The following CEMIP variants were observed in gnomAD, a reference collection of about 807,000 sequenced individuals.
CEMIP encodes cell migration inducing hyaluronidase 1.
Under a neutral mutation model 156.9 loss-of-function variants are expected in CEMIP, and 105 were observed. The ratio of observed to expected loss-of-function variants is 0.67; its 90% CI spans 0.57 to 0.79. The LOEUF (loss-of-function observed/expected upper bound fraction) is 0.79. Among genes scored for constraint, CEMIP ranks in the 30% least tolerant of loss-of-function variants. The probability of loss-of-function intolerance (pLI) is 0.00; values close to 1 mark genes in which losing one functional copy is unlikely to be tolerated. For synonymous variants in CEMIP, 676 were observed against 668.4 expected, an observed-to-expected ratio of 1.01 and a Z score of -0.17; for missense variants, 1,457 against 1,769.4, an observed-to-expected ratio of 0.82 and a Z score of 3.17.
chr15:80,863,207 T>G (rs1170519709), intron 1 of CEMIP, among the ~76,000 whole-genome samples: 1 of 152,284 alleles, frequency 6.6e-6, no homozygotes, highest in African/African-American at 2.4e-5. Context: ...AAGAGTGATG[T>G]ATTTTTTAAA....
intron 1 of CEMIP, among the ~76,000 whole-genome samples, chr15:80,842,360 G>A (rs1427412770): frequency 6.6e-6 from 1 of 152,108 alleles, no homozygotes; most frequent in East Asian, 1.9e-4. Context: ...GTCAACAAAT[G>A]TTTACTAAGC....
At chr15:80,814,043 CTTTTTTTTTT>C in intron 1 of CEMIP, among the ~76,000 whole-genome samples, 1 of 73,744 alleles carries the variant, frequency 1.4e-5, no homozygotes, top group East Asian at 4.5e-4. Flanking sequence ...AACTCTTTGG[CTTTTTTTTTT>C]TTTTTTTTTT....
In CEMIP at chr15:80,865,163, G is replaced by A. The variant is rs188675005; in HGVS notation, c.-175-8375G>A. ...CTTGAAATGTACCTAGTGCAACTGA[G>A]GAACTAAATTTTTTATTTTTTTATT... On this transcript the variant is annotated intron_variant, in intron 1 of 29. Transcript: ENST00000394685. Among the ~76,000 whole-genome samples the A allele has an allele frequency of 3.3e-5, 5 of 152,174 alleles. No homozygotes were observed. The East Asian group carries it at 9.6e-4, about 29-fold the overall frequency.
intron 1 of CEMIP, among the ~76,000 whole-genome samples, chr15:80,779,988 C>T (rs146409865): frequency 3.2e-4 from 48 of 152,112 alleles, no homozygotes; most frequent in Non-Finnish European, 5.6e-4. Flanking sequence ...GAGTGTCTCG[C>T]CGAGGAGGGA....
intron 28 of CEMIP, among the ~76,000 whole-genome samples, chr15:80,944,935 C>T (rs1488954808): frequency 2.0e-5 from 3 of 152,154 alleles, no homozygotes; most frequent in African/African-American, 2.4e-5. Flanking sequence ...CCTGGGCTGG[C>T]GCTGGGCACC....
At position 80,881,685 on chromosome 15, in the gene CEMIP, G is replaced by A. The variant is rs74437784; in HGVS notation, c.617+549G>A. Reference sequence around the variant, plus strand: ...GGCGGGACAGGACCTCGGAGGCTGCGGTAAGGACGTGGGTTTTCTTCTAAG... The same window carrying A: ...GGCGGGACAGGACCTCGGAGGCTGCAGTAAGGACGTGGGTTTTCTTCTAAG... On this transcript the variant is annotated intron_variant, in intron 6 of 29. Coordinates refer to ENST00000394685, the MANE Select transcript of CEMIP (RefSeq NM_001293298.2). Among the ~76,000 whole-genome samples the A allele has an allele frequency of 4.0e-3, 604 of 152,294 alleles. 4 individuals are homozygous for A. The highest frequency in any genetic ancestry group is 0.011 in the African/African-American group (471 of 41,570).
chr15:80,879,274 G>C (rs1489906374), intron 4 of CEMIP, among the ~76,000 whole-genome samples: 1 of 152,186 alleles, frequency 6.6e-6, no homozygotes, highest in East Asian at 1.9e-4. Flanking sequence ...CAACCAATTC[G>C]AGGTTGAAAA....
intron 1 of CEMIP, among the ~76,000 whole-genome samples, chr15:80,794,738 C>T (rs547264014): frequency 2.0e-5 from 3 of 152,064 alleles, no homozygotes; most frequent in South Asian, 4.2e-4. Flanking sequence ...TAGCCACAGG[C>T]GGCTAGTGGA....
At chr15:80,847,560 AC>A (rs1897593815) in intron 1 of CEMIP, among the ~76,000 whole-genome samples, 4 of 152,234 alleles carry the variant, frequency 2.6e-5, no homozygotes, top group African/African-American at 9.6e-5. Flanking sequence ...TGGGAGTAGG[AC>A]CCCCAGAATC....
chr15:80,881,844 G>A (rs1898671194), intron 6 of CEMIP, among the ~76,000 whole-genome samples: 1 of 152,218 alleles, frequency 6.6e-6, no homozygotes, highest in Non-Finnish European at 1.5e-5. Flanking sequence ...TTCTGCTGTG[G>A]TCTAGGCAAG....
At chr15:80,905,264 G>A (rs760203581) in intron 12 of CEMIP, among the ~76,000 whole-genome samples, 8 of 152,340 alleles carry the variant, frequency 5.3e-5, no homozygotes, top group Non-Finnish European at 1.2e-4. Flanking sequence ...TTCAGGCTGG[G>A]TATCCACATG....
intron 1 of CEMIP, among the ~76,000 whole-genome samples, chr15:80,841,650 T>A (rs1897421739): frequency 6.6e-6 from 1 of 152,230 alleles, no homozygotes; most frequent in Non-Finnish European, 1.5e-5. Context: ...CCTTCTCTTC[T>A]CTGTCCATGG....
At chr15:80,794,494 T>G (rs944734130) in intron 1 of CEMIP, among the ~76,000 whole-genome samples, 1 of 152,216 alleles carries the variant, frequency 6.6e-6, no homozygotes, top group Non-Finnish European at 1.5e-5. Flanking sequence ...TTTGGAATTC[T>G]GAGTTTTCTA....
At chr15:80,804,653 G>T (rs1476678242) in intron 1 of CEMIP, among the ~76,000 whole-genome samples, 2 of 152,206 alleles carry the variant, frequency 1.3e-5, no homozygotes, top group African/African-American at 4.8e-5. Context: ...CTTGCTGAAA[G>T]CACGTGCGTC....
In CEMIP at chr15:80,937,991, C is replaced by A; in HGVS notation, c.3407+12C>A. 6.2e-7 allele frequency: 1 copy of A among 1,610,786 alleles called. No homozygotes were observed. The highest frequency in any genetic ancestry group is 1.3e-5 in the African/African-American group (1 of 74,984). On this transcript the variant is annotated intron_variant, in intron 25 of 29. Transcript: ENST00000394685. ...GACGAGGACTCAGGGTGAGCAGGCG[C>A]CCACTTGGCTGCAGGAAAGTGGCTC... is the stretch of plus-strand genomic sequence containing the variant.
intron 14 of CEMIP, among the ~76,000 whole-genome samples, chr15:80,912,898 A>T (rs1900121536): frequency 6.6e-6 from 1 of 152,186 alleles, no homozygotes; most frequent in Admixed American, 6.5e-5. Context: ...AAATACAGAC[A>T]AAGACGAGAT....
At chr15:80,939,748 G>A (rs1045381738) in intron 25 of CEMIP, among the ~76,000 whole-genome samples, 3 of 152,128 alleles carry the variant, frequency 2.0e-5, no homozygotes, top group Non-Finnish European at 2.9e-5. Context: ...TAGGGGGTCT[G>A]TTTCCTATGG....
In CEMIP at chr15:80,930,495, G is replaced by A. The variant is rs765174341; in HGVS notation, c.2612+1321G>A. Among the ~76,000 whole-genome samples, 8 of 152,294 alleles carry A rather than the reference G, an allele frequency of 5.3e-5. No homozygotes were observed. The South Asian group carries it at 1.5e-3, about 28-fold the overall frequency. On this transcript the variant is annotated intron_variant, in intron 21 of 29. Transcript: ENST00000394685. ...GTCCTAATCATGGTTGATCCATCTT[G>A]TATAGAGCTGGGTCAGGGTCTGAAG...
At chr15:80,939,807 G>A (rs186633328) in intron 25 of CEMIP, among the ~76,000 whole-genome samples, 4 of 152,244 alleles carry the variant, frequency 2.6e-5, no homozygotes, top group Non-Finnish European at 5.9e-5. Context: ...TGCCTTATAC[G>A]TTTGTTGTTT....
Sources: allele counts gnomAD v4.1 joint callset (sites outside exome capture counted in the v4.1 genomes callset), GRCh38; gene constraint gnomAD v4.1.1; transcripts MANE v1.5; gene names NCBI Gene and HGNC (gene_info 2026-07-23, HGNC 2026-07-21).